EEIG1: variants seen among roughly 807,000 people sequenced by gnomAD.
EEIG1 encodes the protein estrogen-induced osteoclastogenesis regulator 1, also known as early estrogen-induced gene 1 protein.
the EEIG1 span, among the ~76,000 whole-genome samples, chr9:127,952,541 G>C: frequency 6.6e-6 from 1 of 152,232 alleles, no homozygotes; most frequent in Non-Finnish European, 1.5e-5. Context: ...CTGTCTGTGG[G>C]TACAGTGAAA....
the EEIG1 span, among the ~76,000 whole-genome samples, chr9:127,978,274 C>A: frequency 6.6e-6 from 1 of 152,214 alleles, no homozygotes; most frequent in Non-Finnish European, 1.5e-5. Context: ...TGGATTCAGC[C>A]AGCAGGCCCC....
At chr9:127,980,291 G>T in the EEIG1 span, 1 of 760,774 alleles carries the variant, frequency 1.3e-6, no homozygotes, top group South Asian at 1.8e-5. Flanking sequence ...CGGGGCCCCA[G>T]GTCTGAGAGA....
At chr9:127,942,333 G>C in the EEIG1 span, 4 of 152,496 alleles carry the variant, frequency 2.6e-5, no homozygotes, top group Non-Finnish European at 5.9e-5. Flanking sequence ...TTCTCAGCAC[G>C]GGTCTCAGAC....
At chr9:127,948,290 C>G in the EEIG1 span, 1 of 1,611,386 alleles carries the variant, frequency 6.2e-7, no homozygotes, top group African/African-American at 1.3e-5. Flanking sequence ...ACAGAGGACA[C>G]CCAGAGTCCC....
the EEIG1 span, among the ~76,000 whole-genome samples, chr9:127,948,941 T>C: frequency 6.6e-6 from 1 of 152,154 alleles, no homozygotes; most frequent in Non-Finnish European, 1.5e-5. Context: ...TAGGCTGAGA[T>C]GGAGTGACAG....
the EEIG1 span, chr9:127,945,023 G>T: frequency 5.2e-6 from 6 of 1,153,704 alleles, no homozygotes; most frequent in South Asian, 7.5e-5. The surrounding 1 kb of genome is among the most constrained non-coding windows in gnomAD (Gnocchi z 6.5). Flanking sequence ...GCTCCGTGCT[G>T]TACTTCACTG....
At chr9:127,980,278 G>A in the EEIG1 span, 18 of 1,001,480 alleles carry the variant, frequency 1.8e-5, no homozygotes, top group Non-Finnish European at 2.6e-5. Context: ...GGAGATCGGA[G>A]TCCGGGGCCC....
the EEIG1 span, among the ~76,000 whole-genome samples, chr9:127,949,954 T>A: frequency 6.6e-6 from 1 of 152,164 alleles, no homozygotes; most frequent in Non-Finnish European, 1.5e-5. Context: ...CTACCACGTG[T>A]CACTTGGGGA....
At chr9:127,954,053 C>A in the EEIG1 span, 1 of 1,054,660 alleles carries the variant, frequency 9.5e-7, no homozygotes, top group South Asian at 1.5e-5. Flanking sequence ...CACTCTGTGT[C>A]ACAAAATAGC....
the EEIG1 span, among the ~76,000 whole-genome samples, chr9:127,963,984 AG>A: frequency 0.011 from 1,600 of 152,266 alleles, 27 homozygotes; most frequent in African/African-American, 0.036. Flanking sequence ...CCGGGACCTC[AG>A]GCAGTCAGCT....
chr9:127,948,437 C>G, the EEIG1 span: 2 of 1,613,486 alleles, frequency 1.2e-6, no homozygotes, highest in Non-Finnish European at 1.7e-6. Flanking sequence ...GAGCAATCAG[C>G]TATGCCCTGA....
At chr9:127,974,543 C>T in the EEIG1 span, among the ~76,000 whole-genome samples, 3 of 152,238 alleles carry the variant, frequency 2.0e-5, no homozygotes, top group Non-Finnish European at 4.4e-5. Context: ...CTCTCCCTAA[C>T]TCAGTGATGT....
the EEIG1 span, among the ~76,000 whole-genome samples, chr9:127,955,584 G>A: frequency 2.6e-5 from 4 of 152,238 alleles, no homozygotes; most frequent in Non-Finnish European, 4.4e-5. Context: ...TTTACCCAGT[G>A]ATGACTCATT....
the EEIG1 span, chr9:127,943,300 G>T: frequency 6.6e-7 from 1 of 1,524,122 alleles, no homozygotes; most frequent in South Asian, 1.1e-5. Context: ...CGCTCCACTG[G>T]ACCAGGCCTC....
the EEIG1 span, chr9:127,980,023 C>G: frequency 1.2e-6 from 2 of 1,613,608 alleles, no homozygotes; most frequent in Non-Finnish European, 8.5e-7. Flanking sequence ...TCCCCTCCAT[C>G]CAGCAGCCGG....
chr9:127,950,616 T>G, the EEIG1 span: 2 of 1,566,482 alleles, frequency 1.3e-6, no homozygotes, highest in African/African-American at 2.7e-5. Flanking sequence ...AAGGGTAACT[T>G]GGCAAAAGTT....
chr9:127,975,103 G>A, the EEIG1 span, among the ~76,000 whole-genome samples: 1 of 152,216 alleles, frequency 6.6e-6, no homozygotes, highest in Admixed American at 6.5e-5. Flanking sequence ...GCGGGTGAGG[G>A]ACCAGGGGGG....
At chr9:127,964,045 G>A in the EEIG1 span, among the ~76,000 whole-genome samples, 1 of 152,150 alleles carries the variant, frequency 6.6e-6, no homozygotes, top group African/African-American at 2.4e-5. Context: ...AACAGCACAG[G>A]GAAGACCCAG....
At chr9:127,955,042 C>G in the EEIG1 span, among the ~76,000 whole-genome samples, 2 of 152,212 alleles carry the variant, frequency 1.3e-5, no homozygotes, top group African/African-American at 4.8e-5. Flanking sequence ...CTCCATACAG[C>G]CTGCCTGGCA....
Sources: gnomAD v4.1 joint callset for allele counts (sites outside exome capture counted in the v4.1 genomes callset) on GRCh38, gnomAD v4.1.1 for gene constraint, Gnocchi (gnomAD v3.1) non-coding constraint, MANE v1.5 for transcripts, NCBI Gene and HGNC (gene_info 2026-07-23, HGNC 2026-07-21) for gene names.